Variants in IFIT3 observed in about 807,000 individuals in gnomAD.
IFIT3 encodes interferon-induced protein with tetratricopeptide repeats 3.
In IFIT3, 2 loss-of-function variants were observed where a neutral mutation model predicts 2.4. That is an observed-to-expected ratio of 0.82 (90% CI 0.34 to 2.60). The LOEUF (loss-of-function observed/expected upper bound fraction) is 2.60. Among genes scored for constraint, IFIT3 ranks in the 30% most tolerant of loss-of-function variants. The pLI is 0.11. For synonymous variants in IFIT3, 203 were observed against 212.1 expected (o/e 0.96, Z 0.37); for missense variants, 481 against 562.4 (o/e 0.86, Z 1.46).
At chr10:89,337,184 T>C (rs2133561066) in intron 1 of IFIT3, among the ~76,000 whole-genome samples, 1 of 152,312 alleles carries the variant, frequency 6.6e-6, no homozygotes, top group South Asian at 2.1e-4. Flanking sequence ...TTGGCAGACA[T>C]ATCTGGGCTT....
chr10:89,335,016 C>A (rs1843713525), intron 1 of IFIT3, among the ~76,000 whole-genome samples: 1 of 152,128 alleles, frequency 6.6e-6, no homozygotes, highest in Non-Finnish European at 1.5e-5. Context: ...AACCTCCTGA[C>A]CTGTGGCTCT....
At chr10:89,329,498 C>T (rs1334971954) in intron 1 of IFIT3, among the ~76,000 whole-genome samples, 1 of 152,036 alleles carries the variant, frequency 6.6e-6, no homozygotes, top group Non-Finnish European at 1.5e-5. Flanking sequence ...GACTCAGGTT[C>T]ACATCAAGGT....
chr10:89,333,924 C>T (rs747144438), intron 1 of IFIT3, among the ~76,000 whole-genome samples: 2 of 152,186 alleles, frequency 1.3e-5, no homozygotes, highest in Non-Finnish European at 2.9e-5. Flanking sequence ...TTGAGAAGTC[C>T]GGCTCTGGAG....
At position 89,340,409 on chromosome 10, in the gene IFIT3, T is replaced by G. The variant is rs1214650781; in HGVS notation, c.*281T>G. 9.5e-6 allele frequency: 2 copies of G among 211,240 alleles called. No individual in the cohort carries two copies. Among genetic ancestry groups the G allele is most frequent in the East Asian group, 1.0e-4 (1 of 10,006 alleles). 13.1% of individuals were successfully genotyped at this position (211,240 alleles called of 1,614,324 possible). On this transcript the variant is annotated 3_prime_UTR_variant, in exon 2 of 2. Transcript: ENST00000371818. ...CCGTCTCTACTAAAAATACAAAAAA[T>G]TAGCCAGGCGTGGTGGCTGGCACCT... is the stretch of plus-strand genomic sequence containing the variant.
chr10:89,334,769 G>T (rs941886120), intron 1 of IFIT3, among the ~76,000 whole-genome samples: 1 of 151,884 alleles, frequency 6.6e-6, no homozygotes, highest in East Asian at 1.9e-4. Context: ...GGGATTACAG[G>T]TGTGAGCCAC....
Position 89,328,073 on chromosome 10 carries a change from C to T in IFIT3, c.-1C>T. On this transcript the variant is annotated 5_prime_UTR_variant, in exon 1 of 2. Coordinates refer to ENST00000371818, the MANE Select transcript of IFIT3 (RefSeq NM_001549.6). The stretch of plus-strand genomic sequence containing the variant: ...GAACAGCAGAGACACAGAGGGCAGT[C>T]ATGAGGTCAGTGAAATAAGAATGCA... 1 of 1,613,918 alleles carries T rather than the reference C, an allele frequency of 6.2e-7. No homozygotes were observed. Among genetic ancestry groups the T allele is most frequent in the African/African-American group, 1.3e-5 (1 of 75,046 alleles).
chr10:89,340,203 G>T lies in IFIT3; in HGVS notation c.*75G>T. Reference sequence around the variant, plus strand: ...GGGTAGGACGATAGGAAGACAGGGGGCCCCAACCTGGGATTGCTGAGCAGG... The same window carrying T: ...GGGTAGGACGATAGGAAGACAGGGGTCCCCAACCTGGGATTGCTGAGCAGG... On this transcript the variant is annotated 3_prime_UTR_variant, in exon 2 of 2. Transcript: ENST00000371818. 2.7e-6 allele frequency: 4 copies of T among 1,469,484 alleles called. No individual in the cohort carries two copies. The highest frequency in any genetic ancestry group is 3.6e-6 in the Non-Finnish European group (4 of 1,103,386). The allele number at this position is 1,469,484 out of a possible 1,614,324, so 91.0% of individuals were successfully genotyped here. A position where few individuals can be genotyped will look rare whatever the true frequency, so the allele number is the denominator to read the frequency against.
At chr10:89,328,198 A>T (rs1313965866) in intron 1 of IFIT3, 120 bp downstream of exon 1, 2 of 1,019,610 alleles carry the variant, frequency 2.0e-6, no homozygotes, top group African/African-American at 3.2e-5. Flanking sequence ...ATATGTCTTT[A>T]TCAGTCTGAG....
intron 1 of IFIT3, among the ~76,000 whole-genome samples, chr10:89,334,308 C>T (rs1319227049): frequency 4.0e-5 from 6 of 151,752 alleles, no homozygotes; most frequent in South Asian, 4.2e-4. Flanking sequence ...CTTTAGTAAG[C>T]GAAATCTTAT....
Position 89,338,834 on chromosome 10 carries a change from T to A in IFIT3, c.179T>A (p.Ile60Lys). 1.2e-6 allele frequency: 2 copies of A among 1,614,144 alleles called. No individual in the cohort carries two copies. The highest frequency in any genetic ancestry group is 2.7e-5 in the African/African-American group (2 of 75,028). The change falls in exon 2 of 2, where the codon ATA (isoleucine) becomes AAA (lysine). Residue 60 changes from isoleucine to lysine, a missense_variant. Coordinates refer to ENST00000371818, the MANE Select transcript of IFIT3 (RefSeq NM_001549.6). ...KATMYNLLAY[I>K]KHLDGNNEAA... is the part of the protein sequence containing the mutation. ...ACAATGTACAACTTGTTGGCCTACA[T>A]AAAACACCTAGATGGTAACAACGAG...
chr10:89,329,888 G>A (rs1029462753), intron 1 of IFIT3, among the ~76,000 whole-genome samples: 1 of 152,076 alleles, frequency 6.6e-6, no homozygotes, highest in African/African-American at 2.4e-5. Flanking sequence ...GGAGATAGGG[G>A]TGGGGCCATT....
Position 89,332,641 on chromosome 10 carries a change from G to C in IFIT3, c.5+4563G>C. 1.9e-6 allele frequency: 3 copies of C among 1,613,412 alleles called. No individual in the cohort carries two copies. The Admixed American group carries it at 5.0e-5, about 27-fold the overall frequency. ...AGCCATCATGAGGTAAATAGTCCCT[G>C]CTTCTCTGATAGGAAACAGAATTTC... On this transcript the variant is annotated intron_variant, in intron 1 of 1. Coordinates refer to ENST00000371818, the MANE Select transcript of IFIT3 (RefSeq NM_001549.6).
intron 1 of IFIT3, among the ~76,000 whole-genome samples, chr10:89,332,879 C>T (rs1311846684): frequency 6.6e-6 from 1 of 152,110 alleles, no homozygotes. Flanking sequence ...CCTAGAGAGC[C>T]CATGCTCAGA....
At chr10:89,328,170 C>A (rs2133537785) in intron 1 of IFIT3, 92 bp downstream of exon 1, 1 of 1,230,376 alleles carries the variant, frequency 8.1e-7, no homozygotes, top group South Asian at 1.2e-5. Flanking sequence ...CTGAATTGTC[C>A]TGATGTTTAT....
In IFIT3 at chr10:89,328,882, T is replaced by C. The variant is rs190548235; in HGVS notation, c.5+804T>C. The stretch of plus-strand genomic sequence containing the variant: ...GTAGGAAGGCTCCCAAAAGAATCTT[T>C]TTAGAATCATAGGAATAGTCTATAG... On this transcript the variant is annotated intron_variant, in intron 1 of 1. Transcript: ENST00000371818. Among the ~76,000 whole-genome samples, 324 of 152,264 alleles carry C rather than the reference T, an allele frequency of 2.1e-3. 1 individual carries two copies. The highest frequency in any genetic ancestry group is 3.7e-3 in the Non-Finnish European group (255 of 68,012).
Position 89,339,618 on chromosome 10 carries a change from T to A in IFIT3, c.963T>A (p.Ala321=). Residue 321 remains alanine, a synonymous_variant, in exon 2 of 2, where the codon GCT becomes GCA. Coordinates refer to ENST00000371818, the MANE Select transcript of IFIT3 (RefSeq NM_001549.6). ...KQYAMDYSNK[A]LEKGLNPLNA... ...ATGCTATGGACTATTCGAATAAAGC[T>A]CTTGAGAAGGGACTGAATCCTCTGA... The A allele has an allele frequency of 2.5e-6, 4 of 1,614,142 alleles. No homozygotes were observed. The highest frequency in any genetic ancestry group is 2.5e-6 in the Non-Finnish European group (3 of 1,180,024).
At chr10:89,332,523 C>A in intron 1 of IFIT3, 1 of 1,610,770 alleles carries the variant, frequency 6.2e-7, no homozygotes, top group Non-Finnish European at 8.5e-7. Flanking sequence ...CCTAACAGCA[C>A]CCTGGGTGGA....
In IFIT3 at chr10:89,332,217, G is replaced by A. The variant is rs143717616; in HGVS notation, c.5+4139G>A. On this transcript the variant is annotated intron_variant, in intron 1 of 1. Transcript: ENST00000371818. ...TTAACATGTAACCCCTCACCACACA[G>A]GTCAAAGAGCAACAGTCATGCACCT... Among the ~76,000 whole-genome samples, 848 of 152,304 alleles carry A rather than the reference G, an allele frequency of 5.6e-3. 3 individuals are homozygous for A. The highest frequency in any genetic ancestry group is 0.027 in the Middle Eastern group (8 of 294).
At chr10:89,335,694 G>A (rs1843727178) in intron 1 of IFIT3, among the ~76,000 whole-genome samples, 1 of 151,676 alleles carries the variant, frequency 6.6e-6, no homozygotes, top group African/African-American at 2.4e-5. Flanking sequence ...CTAGTGTTCA[G>A]CTATTTTTTT....
Sources: gnomAD v4.1 joint callset for allele counts (sites outside exome capture counted in the v4.1 genomes callset) on GRCh38, gnomAD v4.1.1 for gene constraint, MANE v1.5 for transcripts, NCBI Gene and HGNC (gene_info 2026-07-23, HGNC 2026-07-21) for gene names.